Variants in MRC1 observed in about 807,000 individuals in gnomAD.
The protein encoded by MRC1 is mannose receptor C-type 1, also known as macrophage mannose receptor 1.
In MRC1, 62 loss-of-function variants were observed where a neutral mutation model predicts 102.9. The ratio of observed to expected loss-of-function variants is 0.60; its 90% CI spans 0.49 to 0.74. The LOEUF (loss-of-function observed/expected upper bound fraction) is 0.74, where lower values mean the gene tolerates loss of function less well. MRC1 is among the 30% of genes least tolerant of loss of function. The probability of loss-of-function intolerance (pLI) is 0.00; values close to 1 mark genes in which losing one functional copy is unlikely to be tolerated. For missense variants in MRC1, 1,237 were observed against 862.8 expected, an observed-to-expected ratio of 1.43 and a Z score of -5.43; for synonymous variants, 457 against 298.4, an observed-to-expected ratio of 1.53 and a Z score of -5.48.
Position 17,856,350 on chromosome 10 carries a change from A to C in MRC1, c.1516A>C (p.Lys506Gln). 1.2e-6 allele frequency: 1 copy of C among 848,132 alleles called. No individual in the cohort carries two copies. The highest frequency in any genetic ancestry group is 2.0e-6 in the Non-Finnish European group (1 of 489,090). 52.5% of individuals were successfully genotyped at this position (848,132 alleles called of 1,614,324 possible). A position where few individuals can be genotyped will look rare whatever the true frequency, so the allele number is the denominator to read the frequency against. ...EIVEVEKGCR[K>Q]GWKKHHFYCY... ...AGTGGAAGTCGAAAAAGGCTGCAGG[A>C]AAGTGAGTGCACCATGCCCACAGTG... The change falls in exon 9 of 30, where the codon AAA (lysine) becomes CAA (glutamine). Residue 506 changes from lysine to glutamine, a missense_variant and splice_region_variant. Coordinates refer to ENST00000569591, the MANE Select transcript of MRC1 (RefSeq NM_002438.4).
chr10:17,898,162 A>T lies in MRC1; in HGVS notation c.3379A>T (p.Asn1127Tyr). The T allele has an allele frequency of 1.3e-6, 1 of 780,884 alleles. No homozygotes were observed. The highest frequency in any genetic ancestry group is 2.4e-6 in the Non-Finnish European group (1 of 417,960). The allele number at this position is 780,884 out of a possible 1,614,324, so 48.4% of individuals were successfully genotyped here. ...HEAETYCKLH[N>Y]SLIASILDPY... ...AGCGGAGACATACTGCAAGCTTCAC[A>T]ATTCCCTTATAGCCAGCATTCTGGA... The change falls in exon 24 of 30, where the codon AAT becomes TAT. Residue 1127 changes from asparagine (N) to tyrosine (Y), a missense_variant. Physicochemically the swap from Asn to Tyr is moderately radical, Grantham distance 143 (BLOSUM62 -2). Coordinates refer to ENST00000569591, the MANE Select transcript of MRC1 (RefSeq NM_002438.4).
At chr10:17,828,781 C>T (rs1242052201) in intron 3 of MRC1, among the ~76,000 whole-genome samples, 2 of 151,402 alleles carry the variant, frequency 1.3e-5, no homozygotes, top group African/African-American at 2.5e-5. Context: ...TAAGCAGTAT[C>T]GCATTATCTT....
chr10:17,876,392 C>T (rs909382257), intron 17 of MRC1, among the ~76,000 whole-genome samples: 11 of 151,850 alleles, frequency 7.2e-5, no homozygotes, highest in African/African-American at 2.2e-4. Context: ...GGACTACAGG[C>T]GCACACCACC....
chr10:17,826,971 T>C (rs1305187079), intron 2 of MRC1, among the ~76,000 whole-genome samples: 1 of 152,212 alleles, frequency 6.6e-6, no homozygotes, highest in Non-Finnish European at 1.5e-5. Flanking sequence ...GATTTAATTA[T>C]TGACTATGTG....
chr10:17,810,971 T>G (rs1838212291), intron 1 of MRC1, among the ~76,000 whole-genome samples: 1 of 152,096 alleles, frequency 6.6e-6, no homozygotes, highest in Middle Eastern at 3.2e-3. Flanking sequence ...TTTTGTAGTT[T>G]TAGTAGAGAC....
In MRC1 at chr10:17,815,385, A is replaced by G. The variant is rs868980321; in HGVS notation, c.61+5859A>G. On this transcript the variant is annotated intron_variant, in intron 1 of 29. Transcript: ENST00000569591. ...GAAGAAGAAAGAGCAGTGTGGTGTC[A>G]GCTTCTTACCTAGTAAAGGGTTTTG... is the stretch of plus-strand genomic sequence containing the variant. 7.1e-3 allele frequency among the ~76,000 whole-genome samples: 1,075 copies of G among 152,344 alleles called. 21 individuals carry two copies. Among genetic ancestry groups the G allele is most frequent in the African/African-American group, 0.024 (993 of 41,584 alleles).
At position 17,898,087 on chromosome 10, in the gene MRC1, T is replaced by C; in HGVS notation, c.3304T>C (p.Tyr1102His). 1 of 780,872 alleles carries C rather than the reference T, an allele frequency of 1.3e-6. No homozygotes were observed. Among genetic ancestry groups the C allele is most frequent in the Non-Finnish European group, 2.4e-6 (1 of 417,952 alleles). The allele number at this position is 780,872 out of a possible 1,614,324, so 48.4% of individuals were successfully genotyped here. Reference protein sequence around the residue: ...ATIQTDGFVKYGKSSYSLMRQ... With the variant: ...ATIQTDGFVKHGKSSYSLMRQ... ...GATTCAAACAGATGGCTTTGTTAAA[T>C]ATGGCAAAAGCAGCTATTCACTCAT... Residue 1102 changes from tyrosine to histidine, a missense_variant, in exon 24 of 30, where the codon TAT (tyrosine) becomes CAT (histidine). By Grantham distance (83) the Tyr-to-His change is moderately conservative (BLOSUM62 2). Coordinates refer to ENST00000569591, the MANE Select transcript of MRC1 (RefSeq NM_002438.4).
chr10:17,836,828 C>T (rs1838672090), intron 4 of MRC1, among the ~76,000 whole-genome samples: 1 of 151,182 alleles, frequency 6.6e-6, no homozygotes, highest in African/African-American at 2.4e-5. Context: ...AAGAGTGAAA[C>T]TCGTCTCAAA....
chr10:17,815,084 T>C (rs1838290102), intron 1 of MRC1, among the ~76,000 whole-genome samples: 2 of 152,286 alleles, frequency 1.3e-5, no homozygotes, highest in African/African-American at 4.8e-5. Context: ...ATAATGAATA[T>C]ATATTAAGCA....
rs987599591 is a variant in MRC1 at position 17,869,596 on chromosome 10, T to G, written c.1984-650T>G. On this transcript the variant is annotated intron_variant, in intron 12 of 29. Coordinates refer to ENST00000569591, the MANE Select transcript of MRC1 (RefSeq NM_002438.4). ...CATTTCACTATTCTCTGCAGTCCTC[T>G]GGATATTATGACACAATTCCTAAAT... Among the ~76,000 whole-genome samples, 285 of 152,340 alleles carry G rather than the reference T, an allele frequency of 1.9e-3. 1 individual carries two copies. The highest frequency in any genetic ancestry group is 6.5e-3 in the African/African-American group (269 of 41,586).
chr10:17,889,150 T>C (rs1394642370), intron 22 of MRC1, among the ~76,000 whole-genome samples: 2 of 152,232 alleles, frequency 1.3e-5, no homozygotes, highest in Non-Finnish European at 2.9e-5. Flanking sequence ...TTTTAACTTA[T>C]GTGTATCTTT....
At chr10:17,833,050 C>G (rs1445598567) in intron 3 of MRC1, among the ~76,000 whole-genome samples, 1 of 119,400 alleles carries the variant, frequency 8.4e-6, no homozygotes, top group African/African-American at 3.2e-5. Flanking sequence ...TATCCAAGGT[C>G]TATTGTCTTT....
intron 4 of MRC1, among the ~76,000 whole-genome samples, chr10:17,836,494 G>T (rs1422068595): frequency 6.6e-6 from 1 of 152,128 alleles, no homozygotes; most frequent in Admixed American, 6.6e-5. Flanking sequence ...GATGATTCGA[G>T]GCAGTCTTGT....
intron 3 of MRC1, among the ~76,000 whole-genome samples, chr10:17,827,981 T>C (rs1480126963): frequency 5.9e-5 from 9 of 152,132 alleles, no homozygotes; most frequent in African/African-American, 2.2e-4. Flanking sequence ...AAGACTAGAG[T>C]CACCCCTACT....
At chr10:17,850,027 CATT>C (rs1247975697) in intron 7 of MRC1, among the ~76,000 whole-genome samples, 2 of 151,990 alleles carry the variant, frequency 1.3e-5, no homozygotes, top group African/African-American at 4.8e-5. Context: ...AGTTTTAAAA[CATT>C]ATTTTTTTCA....
intron 9 of MRC1, 94 bp downstream of exon 9, chr10:17,856,446 A>T: frequency 1.3e-6 from 1 of 761,260 alleles, no homozygotes; most frequent in Non-Finnish European, 2.3e-6. Flanking sequence ...TTGTTATTGC[A>T]GTAGCCAAGG....
chr10:17,828,972 C>T (rs1838526574), intron 3 of MRC1, among the ~76,000 whole-genome samples: 1 of 151,480 alleles, frequency 6.6e-6, no homozygotes, highest in Non-Finnish European at 1.5e-5. Flanking sequence ...CATCACCAGA[C>T]ACCCTCCTCC....
At chr10:17,830,140 A>C (rs1232667505) in intron 3 of MRC1, among the ~76,000 whole-genome samples, 1 of 150,746 alleles carries the variant, frequency 6.6e-6, no homozygotes, top group East Asian at 1.9e-4. Flanking sequence ...TTATTTATTT[A>C]TTTATTTTTG....
chr10:17,844,680 G>A (rs1356593223), intron 5 of MRC1, among the ~76,000 whole-genome samples: 1 of 152,082 alleles, frequency 6.6e-6, no homozygotes, highest in Non-Finnish European at 1.5e-5. Context: ...CATCAACCAG[G>A]CAGTGAGCAT....
Sources: allele counts gnomAD v4.1 joint callset (sites outside exome capture counted in the v4.1 genomes callset), GRCh38; gene constraint gnomAD v4.1.1; transcripts MANE v1.5; gene names NCBI Gene and HGNC (gene_info 2026-07-23, HGNC 2026-07-21).